Variants in IPPK observed in about 807,000 individuals in gnomAD.
IPPK encodes IPK1 homolog.
Under a neutral mutation model 64.6 loss-of-function variants are expected in IPPK, and 22 were observed. The ratio of observed to expected loss-of-function variants is 0.34; its 90% confidence interval spans 0.24 to 0.49. The LOEUF (loss-of-function observed/expected upper bound fraction) is 0.49, where lower values mean the gene tolerates loss of function less well. Among genes scored for constraint, IPPK ranks in the 20% least tolerant of loss-of-function variants. The probability of loss-of-function intolerance (pLI) is 0.99; values close to 1 mark genes in which losing one functional copy is unlikely to be tolerated. For synonymous variants in IPPK, 262 were observed against 247.2 expected, an observed-to-expected ratio of 1.06 and a Z score of -0.56; for missense variants, 532 against 630.7, an observed-to-expected ratio of 0.84 and a Z score of 1.68.
intron 3 of IPPK, among the ~76,000 whole-genome samples, chr9:92,653,736 C>A (rs1168574226): frequency 1.3e-5 from 2 of 152,164 alleles, no homozygotes; most frequent in East Asian, 3.9e-4. Context: ...GTAGTCCCAG[C>A]TACTCAGGAA....
intron 6 of IPPK, among the ~76,000 whole-genome samples, chr9:92,647,714 A>C (rs1852175415): frequency 6.6e-6 from 1 of 151,528 alleles, no homozygotes; most frequent in South Asian, 2.1e-4. Context: ...AGAGACTAAA[A>C]CTGAATTATA....
rs1296197314 is a variant in IPPK, at chr9:92,622,419, G to A, written c.1171-2854C>T. Among the ~76,000 whole-genome samples, 4 of 152,090 alleles carry A rather than the reference G, an allele frequency of 2.6e-5. No individual in the cohort carries two copies. The East Asian group carries it at 7.7e-4, about 29-fold the overall frequency. On this transcript the variant is annotated intron_variant, in intron 11 of 12. Transcript: ENST00000287996. ...ATCCAAAAGAAACTATAATCGTTAG[G>A]ATTAATACAAGTGAGCAAAGTTGAT...
intron 11 of IPPK, among the ~76,000 whole-genome samples, chr9:92,626,918 G>GAAAAAA (rs11449391): frequency 7.2e-6 from 1 of 138,650 alleles, no homozygotes; most frequent in African/African-American, 2.7e-5. Flanking sequence ...ATGCTATTAA[G>GAAAAAA]AAAAAAAAAA....
In IPPK at chr9:92,656,484, A is replaced by G; in HGVS notation, c.197T>C (p.Phe66Ser). The G allele has an allele frequency of 6.2e-7, 1 of 1,612,836 alleles. No homozygotes were observed. Among genetic ancestry groups the G allele is most frequent in the Non-Finnish European group, 8.5e-7 (1 of 1,178,886 alleles). The part of the protein sequence containing the change: ...VDFGKNVMKE[F>S]LGENYVHYGE... ...ATAATGAACATAGTTCTCCCCCAAA[A>G]ACTCCTTCATGACATTTTTCCCAAA... Residue 66 changes from phenylalanine (F) to serine (S), a missense_variant, in exon 3 of 13, where the codon TTT (phenylalanine) becomes TCT (serine). By Grantham distance (155) the Phe-to-Ser change is radical (BLOSUM62 -2). Coordinates refer to ENST00000287996, the MANE Select transcript of IPPK (RefSeq NM_022755.6).
intron 4 of IPPK, among the ~76,000 whole-genome samples, chr9:92,652,294 A>G (rs1180133717): frequency 1.3e-5 from 2 of 151,968 alleles, no homozygotes; most frequent in African/African-American, 4.8e-5. Context: ...TTAAAAATAC[A>G]AAAAAGTAGC....
chr9:92,647,936 TA>T, intron 6 of IPPK, 122 bp downstream of exon 6: 1 of 647,198 alleles, frequency 1.5e-6, no homozygotes, highest in Non-Finnish European at 2.7e-6. Flanking sequence ...CTTTGTGAAA[TA>T]AAATGTCAAC....
At chr9:92,626,136 G>A (rs1186029368) in intron 11 of IPPK, among the ~76,000 whole-genome samples, 1 of 152,098 alleles carries the variant, frequency 6.6e-6, no homozygotes, top group Admixed American at 6.5e-5. Context: ...GGTAGCTCAC[G>A]CCTGTAATCC....
At position 92,614,679 on chromosome 9, in the gene IPPK, AATATT is replaced by A. The variant is rs776396775; in HGVS notation, c.*1148_*1152del. ...TTTCATATAATTCCATGGTTTCACT[AATATT>A]ATATGTTACAATAAGCCTCCATTAG... On this transcript the variant is annotated 3_prime_UTR_variant, in exon 13 of 13. Coordinates refer to ENST00000287996, the MANE Select transcript of IPPK (RefSeq NM_022755.6). The A allele has an allele frequency of 4.0e-4, 61 of 152,660 alleles. No individual in the cohort carries two copies. The highest frequency in any genetic ancestry group is 7.7e-4 in the East Asian group (4 of 5,204). 9.5% of individuals were successfully genotyped at this position (152,660 alleles called of 1,614,324 possible).
intron 3 of IPPK, among the ~76,000 whole-genome samples, chr9:92,654,640 C>T (rs565107684): frequency 1.3e-5 from 2 of 152,234 alleles, no homozygotes; most frequent in Non-Finnish European, 2.9e-5. Flanking sequence ...ACAAGGTATT[C>T]ACCTAAGAGG....
chr9:92,646,905 T>C (rs1852161357), intron 6 of IPPK, among the ~76,000 whole-genome samples: 1 of 151,378 alleles, frequency 6.6e-6, no homozygotes, highest in Non-Finnish European at 1.5e-5. Flanking sequence ...AATAAAAAAA[T>C]AAAATTAGAA....
In IPPK at chr9:92,670,033, G is replaced by A; in HGVS notation, c.-45C>T. On this transcript the variant is annotated 5_prime_UTR_variant, in exon 1 of 13. Coordinates refer to ENST00000287996, the MANE Select transcript of IPPK (RefSeq NM_022755.6). ...GCCTCGCGGGCTAGGACTCGGGGAC[G>A]CGAGCTGGGGGCCGCCCGCCTCGCT... 2.1e-6 allele frequency: 3 copies of A among 1,436,296 alleles called. No homozygotes were observed. Among genetic ancestry groups the A allele is most frequent in the African/African-American group, 2.9e-5 (2 of 68,192 alleles). The allele number at this position is 1,436,296 out of a possible 1,614,324, so 89.0% of individuals were successfully genotyped here. A position where few individuals can be genotyped will look rare whatever the true frequency, so the allele number is the denominator to read the frequency against.
Position 92,638,725 on chromosome 9 carries a change from G to C in IPPK, c.637-445C>G, listed in dbSNP as rs116449604. ...GCACCACAAACGAGTGTGTCCTGGG[G>C]TTCAGGCCACGCCCAGGGTGACCCC... is the stretch of plus-strand genomic sequence containing the variant. On this transcript the variant is annotated intron_variant, in intron 8 of 12. Transcript: ENST00000287996. 6.0e-3 allele frequency among the ~76,000 whole-genome samples: 918 copies of C among 152,356 alleles called. 12 individuals carry two copies. Among genetic ancestry groups the C allele is most frequent in the African/African-American group, 0.021 (879 of 41,584 alleles).
At chr9:92,653,370 C>T (rs534538788) in intron 3 of IPPK, among the ~76,000 whole-genome samples, 17 of 152,094 alleles carry the variant, frequency 1.1e-4, no homozygotes, top group East Asian at 5.8e-4. Context: ...CCCCACCCTG[C>T]GCCGTCACAT....
chr9:92,637,583 T>C (rs7864757), intron 9 of IPPK, among the ~76,000 whole-genome samples: 103,981 of 152,198 alleles, frequency 0.68, 37,517 homozygotes, highest in African/African-American at 0.92. Context: ...TGTGAAGACA[T>C]CCCATTGTGG....
intron 3 of IPPK, among the ~76,000 whole-genome samples, chr9:92,656,228 C>G (rs1852369825): frequency 6.6e-6 from 1 of 152,080 alleles, no homozygotes; most frequent in African/African-American, 2.4e-5. Context: ...AGAGACGGGC[C>G]CTGGAGAACA....
At chr9:92,654,396 A>G (rs1224746320) in intron 3 of IPPK, among the ~76,000 whole-genome samples, 3 of 152,100 alleles carry the variant, frequency 2.0e-5, no homozygotes, top group Non-Finnish European at 4.4e-5. Context: ...GCGCACCAGT[A>G]GTCCCAGCTA....
At chr9:92,655,942 G>A (rs1852363879) in intron 3 of IPPK, among the ~76,000 whole-genome samples, 1 of 152,158 alleles carries the variant, frequency 6.6e-6, no homozygotes, top group East Asian at 1.9e-4. Flanking sequence ...GCCAGGGCTG[G>A]CAATCTTAGT....
At chr9:92,619,621 C>T (rs1329569793) in intron 11 of IPPK, 56 bp from the exon 12 acceptor site, 2 of 1,437,456 alleles carry the variant, frequency 1.4e-6, no homozygotes, top group Non-Finnish European at 1.9e-6. Flanking sequence ...TGCCCCCCCA[C>T]ACAACCTTCC....
intron 3 of IPPK, among the ~76,000 whole-genome samples, chr9:92,652,912 C>T (rs1388335636): frequency 2.0e-5 from 3 of 152,198 alleles, no homozygotes; most frequent in Admixed American, 6.5e-5. Context: ...GCTGGGCCCA[C>T]GGTGGTGACC....
Sources: gnomAD v4.1 joint callset for allele counts (sites outside exome capture counted in the v4.1 genomes callset) on GRCh38, gnomAD v4.1.1 for gene constraint, MANE v1.5 for transcripts, NCBI Gene and HGNC (gene_info 2026-07-23, HGNC 2026-07-21) for gene names.